The following DLGAP2 variants were observed in gnomAD, a reference collection of about 807,000 sequenced individuals.
DLGAP2 encodes disks large-associated protein 2.
In DLGAP2, 26 loss-of-function variants were observed where a neutral mutation model predicts 100.3. That is an observed-to-expected ratio of 0.26 (90% CI 0.19 to 0.36). The LOEUF is 0.36. Ranked by LOEUF, DLGAP2 falls within the 10% of genes least tolerant of loss-of-function variation. DLGAP2 has a pLI of 1.00. For synonymous variants in DLGAP2, 886 were observed against 630.1 expected (o/e 1.41, Z -6.08); for missense variants, 1,858 against 1,453.2 (o/e 1.28, Z -4.53).
intron 8 of DLGAP2, 45 bp downstream of exon 8, chr8:1,633,091 C>G (rs780190395): frequency 3.8e-6 from 6 of 1,594,052 alleles, no homozygotes; most frequent in Non-Finnish European, 5.2e-6. Flanking sequence ...ACTCTAGAGG[C>G]ATACCTGTCT....
intron 2 of DLGAP2, among the ~76,000 whole-genome samples, chr8:1,168,607 T>G (rs1267404286): frequency 1.3e-5 from 2 of 149,220 alleles, no homozygotes; most frequent in Non-Finnish European, 3.0e-5. Flanking sequence ...ATTGTGGTTT[T>G]GATTTGCATT....
intron 3 of DLGAP2, among the ~76,000 whole-genome samples, chr8:1,469,927 AGGAG>A (rs1798731991): frequency 6.6e-6 from 1 of 151,932 alleles, no homozygotes; most frequent in Non-Finnish European, 1.5e-5. Flanking sequence ...AGGCTGAGGC[AGGAG>A]GATTGCTTGA....
At chr8:1,417,668 C>G (rs11781585) in intron 3 of DLGAP2, among the ~76,000 whole-genome samples, 33,418 of 116,914 alleles carry the variant, frequency 0.29, 8,253 homozygotes, top group East Asian at 0.41. Context: ...TGCCTCACTC[C>G]GCGAGGCTCC....
intron 4 of DLGAP2, among the ~76,000 whole-genome samples, chr8:1,505,664 C>T (rs1039311459): frequency 3.3e-5 from 5 of 152,226 alleles, no homozygotes; most frequent in Non-Finnish European, 7.3e-5. Context: ...TAATGTAGCA[C>T]ATTCAAAACG....
chr8:1,283,564 A>G (rs1799863885), intron 3 of DLGAP2, among the ~76,000 whole-genome samples: 1 of 152,170 alleles, frequency 6.6e-6, no homozygotes, highest in African/African-American at 2.4e-5. Context: ...GCTTCGTTAT[A>G]ATTTCCAGTT....
chr8:1,409,013 A>G (rs1261537104), intron 3 of DLGAP2, among the ~76,000 whole-genome samples: 2 of 152,320 alleles, frequency 1.3e-5, no homozygotes, highest in East Asian at 1.9e-4. Context: ...ACCTATGAAA[A>G]AGACAGCAGC....
intron 2 of DLGAP2, among the ~76,000 whole-genome samples, chr8:1,213,564 G>C (rs1018548603): frequency 3.3e-5 from 5 of 152,092 alleles, no homozygotes; most frequent in African/African-American, 1.2e-4. Flanking sequence ...AAGATTGCTG[G>C]GTAGGTTTTC....
intron 1 of DLGAP2, among the ~76,000 whole-genome samples, chr8:899,041 T>A (rs764789580): frequency 7.9e-5 from 12 of 152,218 alleles, no homozygotes; most frequent in Non-Finnish European, 1.8e-4. Context: ...AGTGGAAGTG[T>A]GAAGACCTCT....
intron 3 of DLGAP2, among the ~76,000 whole-genome samples, chr8:1,453,019 A>G (rs561894660): frequency 1.3e-5 from 2 of 152,312 alleles, no homozygotes; most frequent in Non-Finnish European, 2.9e-5. Context: ...AGGAAGACAC[A>G]CTGAGTGCCA....
intron 1 of DLGAP2, among the ~76,000 whole-genome samples, chr8:808,235 G>A (rs559842489): frequency 2.0e-5 from 3 of 152,294 alleles, no homozygotes; most frequent in East Asian, 1.9e-4. Context: ...TCAGTGATAC[G>A]TGTTGACGAT....
intron 14 of DLGAP2, among the ~76,000 whole-genome samples, chr8:1,699,710 T>C (rs1799514758): frequency 6.6e-6 from 1 of 152,310 alleles, no homozygotes; most frequent in East Asian, 1.9e-4. Flanking sequence ...AGAGGCTCCG[T>C]GCCTGAACAG....
At chr8:1,490,645 T>C (rs1799351984) in intron 3 of DLGAP2, among the ~76,000 whole-genome samples, 1 of 152,106 alleles carries the variant, frequency 6.6e-6, no homozygotes, top group African/African-American at 2.4e-5. Context: ...CTTTTGTTCT[T>C]CCTCCCTTAT....
chr8:1,030,195 C>A (rs1023084302), intron 2 of DLGAP2, among the ~76,000 whole-genome samples: 4 of 152,174 alleles, frequency 2.6e-5, no homozygotes, highest in African/African-American at 4.8e-5. Context: ...GCTAACAGAC[C>A]CGAAAGCAAT....
At chr8:770,384 G>A (rs1422606506) in intron 1 of DLGAP2, among the ~76,000 whole-genome samples, 1 of 152,188 alleles carries the variant, frequency 6.6e-6, no homozygotes. Flanking sequence ...ACAGGTCCAT[G>A]CTATGCCAGT....
In DLGAP2 at chr8:878,774, T is replaced by G. The variant is rs1332231191; in HGVS notation, c.19-29138T>G. On this transcript the variant is annotated intron_variant, in intron 1 of 14. Coordinates refer to ENST00000637795, the MANE Select transcript of DLGAP2 (RefSeq NM_001346810.2). ...GGCCACCTCTCCTGTTTGGCTTCTC[T>G]TTCACAAGGCCCACTTCCCCTCCTA... Among the ~76,000 whole-genome samples the G allele has an allele frequency of 3.3e-5, 5 of 152,194 alleles. No homozygotes were observed. In the East Asian group the frequency reaches 7.7e-4, roughly 23 times the overall value.
At chr8:850,052 G>A (rs1260802231) in intron 1 of DLGAP2, among the ~76,000 whole-genome samples, 2 of 121,126 alleles carry the variant, frequency 1.7e-5, no homozygotes, top group Non-Finnish European at 3.4e-5. Context: ...AACAGAAGGA[G>A]ACTGTCTAAA....
At chr8:1,529,151 C>G (rs1265498288) in intron 4 of DLGAP2, among the ~76,000 whole-genome samples, 1 of 152,168 alleles carries the variant, frequency 6.6e-6, no homozygotes, top group African/African-American at 2.4e-5. Flanking sequence ...AGGAAACTTA[C>G]AATCGTGGCG....
At position 1,549,379 on chromosome 8, in the gene DLGAP2, A is replaced by G. The variant is rs1358754798; in HGVS notation, c.926A>G (p.Tyr309Cys). 2.5e-6 allele frequency: 4 copies of G among 1,613,338 alleles called. No homozygotes were observed. In the African/African-American group the frequency reaches 4.0e-5, roughly 16 times the overall value. Residue 309 changes from tyrosine (Y) to cysteine (C), a missense_variant, in exon 5 of 15, where the codon TAT (tyrosine) becomes TGT (cysteine). Transcript: ENST00000637795. ...GACAACCTGGACAGCGACAGCACCT[A>G]TCGGACGCCCAGCGTGCTCAACCGG... ...SDDNLDSDST[Y>C]RTPSVLNRHH...
chr8:1,370,336 G>A (rs568258318), intron 3 of DLGAP2, among the ~76,000 whole-genome samples: 7 of 152,092 alleles, frequency 4.6e-5, no homozygotes, highest in Non-Finnish European at 1.5e-5. Context: ...CCAAACCCTT[G>A]CTCTCCCTGG....
Sources: gnomAD v4.1 joint callset for allele counts (sites outside exome capture counted in the v4.1 genomes callset) on GRCh38, gnomAD v4.1.1 for gene constraint, MANE v1.5 for transcripts, NCBI Gene and HGNC (gene_info 2026-07-23, HGNC 2026-07-21) for gene names.